The following TYW5 variants were observed in gnomAD, a reference collection of about 807,000 sequenced individuals.
TYW5 encodes the protein tRNA-yW synthesizing protein 5, also known as tRNA wybutosine-synthesizing protein 5.
A neutral mutation model predicts 44.4 loss-of-function variants in TYW5; 36 were observed. The ratio of observed to expected loss-of-function variants is 0.81; its 90% CI spans 0.62 to 1.07. The LOEUF is 1.07. Ranked by LOEUF, TYW5 falls within the 50% of genes least tolerant of loss-of-function variation. The probability of loss-of-function intolerance (pLI) is 0.00; values close to 1 mark genes in which losing one functional copy is unlikely to be tolerated. For missense variants in TYW5, 354 were observed against 365.7 expected (o/e 0.97, Z 0.26); for synonymous variants, 121 against 128.1 (o/e 0.94, Z 0.37).
chr2:199,933,813 G>A (rs1160433935), intron 7 of TYW5, among the ~76,000 whole-genome samples: 1 of 151,952 alleles, frequency 6.6e-6, no homozygotes, highest in African/African-American at 2.4e-5. Flanking sequence ...GCTTAAATTC[G>A]TATTCATTAT....
intron 6 of TYW5, 36 bp downstream of exon 6, chr2:199,936,369 G>T: frequency 6.5e-7 from 1 of 1,537,860 alleles, no homozygotes; most frequent in South Asian, 1.1e-5. Context: ...TAACTGAATA[G>T]ACTTTTGAAA....
intron 5 of TYW5, among the ~76,000 whole-genome samples, chr2:199,937,712 T>C (rs7573592): frequency 0.52 from 79,012 of 151,860 alleles, 20,834 homozygotes; most frequent in South Asian, 0.61. Flanking sequence ...TCATAGAATA[T>C]AGTTAAAATG....
intron 7 of TYW5, among the ~76,000 whole-genome samples, chr2:199,934,942 T>A (rs985450399): frequency 7.9e-5 from 12 of 151,976 alleles, no homozygotes; most frequent in Non-Finnish European, 1.6e-4. Context: ...ATACTACAGG[T>A]GTTGAGATTA....
chr2:199,945,448 C>A (rs1159323873), intron 2 of TYW5: 3 of 152,202 alleles, frequency 2.0e-5, no homozygotes, highest in Admixed American at 6.5e-5. Flanking sequence ...AAAGAGGGGT[C>A]TGCCATCTAC....
At chr2:199,936,514 T>C (rs750232973) in intron 5 of TYW5, 22 bp from the exon 6 acceptor site, 2 of 1,580,936 alleles carry the variant, frequency 1.3e-6, no homozygotes, top group Non-Finnish European at 1.7e-6. Flanking sequence ...TAAAAGCTTA[T>C]GGGTAATCAT....
chr2:199,955,119 TAA>T (rs2077585193), intron 1 of TYW5, among the ~76,000 whole-genome samples: 3 of 152,180 alleles, frequency 2.0e-5, no homozygotes, highest in South Asian at 4.1e-4. Flanking sequence ...AGATGCGGAG[TAA>T]AGAGTTTAGG....
intron 2 of TYW5, chr2:199,946,351 AT>A (rs2077503759): frequency 6.6e-6 from 1 of 152,186 alleles, no homozygotes; most frequent in African/African-American, 2.4e-5. Context: ...CTTGTTCCCC[AT>A]TTGGAAAAGG....
intron 2 of TYW5, chr2:199,944,045 G>C: frequency 2.4e-6 from 1 of 420,256 alleles, no homozygotes; most frequent in Non-Finnish European, 4.2e-6. Flanking sequence ...TGAAATTTTG[G>C]AATTAAATAT....
rs547380691 is a variant in TYW5 at position 199,933,843 on chromosome 2, T to A, written c.692-520A>T. Among the ~76,000 whole-genome samples the A allele has an allele frequency of 3.0e-3, 457 of 152,318 alleles. 1 individual carries two copies. The highest frequency in any genetic ancestry group is 0.011 in the African/African-American group (440 of 41,586). On this transcript the variant is annotated intron_variant, in intron 7 of 7. Transcript: ENST00000354611. ...CATTATAGCCTCCTCGTTTTATATTTTGAATGCAATTATAATCATCTTATA... is the reference window on the plus strand; with the variant it reads ...CATTATAGCCTCCTCGTTTTATATTATGAATGCAATTATAATCATCTTATA...
At chr2:199,955,266 G>T in intron 1 of TYW5, 127 bp downstream of exon 1, 1 of 1,071,578 alleles carries the variant, frequency 9.3e-7, no homozygotes, top group Non-Finnish European at 1.3e-6. Context: ...GCCAACCAGT[G>T]ATCTGCTGCC....
chr2:199,946,800 T>A (rs751889470), intron 2 of TYW5: 2 of 152,132 alleles, frequency 1.3e-5, no homozygotes, highest in Non-Finnish European at 2.9e-5. Context: ...CTAAAAAAAA[T>A]AATCTTGCAA....
At chr2:199,936,565 C>T in intron 5 of TYW5, 73 bp from the exon 6 acceptor site, 1 of 1,253,954 alleles carries the variant, frequency 8.0e-7, no homozygotes, top group Non-Finnish European at 1.1e-6. Context: ...GCATGCTAAA[C>T]TTTAACTGCA....
In TYW5 at chr2:199,943,834, T is replaced by C. The variant is rs774967408; in HGVS notation, c.234A>G (p.Arg78=). 9 of 1,605,888 alleles carry C rather than the reference T, an allele frequency of 5.6e-6. No homozygotes were observed. Among genetic ancestry groups the C allele is most frequent in the Non-Finnish European group, 7.6e-6 (9 of 1,177,836 alleles). The change falls in exon 3 of 8, where the codon AGA becomes AGG. Residue 78 remains arginine, a splice_region_variant and synonymous_variant. Transcript: ENST00000354611. ...GGACCAACTGGTCAAAAGGTAAAGTTCTGAAATAAACACAAAGGAATCCTT... is the reference window on the plus strand; with the variant it reads ...GGACCAACTGGTCAAAAGGTAAAGTCCTGAAATAAACACAAAGGAATCCTT... ...MDFISKNFVY[R]TLPFDQLVQR... is the part of the protein sequence containing the mutation.
rs2077383507 is a variant in TYW5, at chr2:199,932,171, CTCTGA to C, written c.*891_*895del. 6.6e-6 allele frequency: 1 copy of C among 152,172 alleles called. No homozygotes were observed. The highest frequency in any genetic ancestry group is 1.5e-5 in the Non-Finnish European group (1 of 68,034). The allele number at this position is 152,172 out of a possible 1,614,324, so 9.4% of individuals were successfully genotyped here. Reference sequence around the variant, plus strand: ...TATCATCAACTCCAGTTGATCTCAGCTCTGATTATGCATCAGAACACCCTGTGAGG... The same window carrying C: ...TATCATCAACTCCAGTTGATCTCAGCTTATGCATCAGAACACCCTGTGAGG... On this transcript the variant is annotated 3_prime_UTR_variant, in exon 8 of 8. Transcript: ENST00000354611.
At chr2:199,941,918 T>A (rs2077467730) in intron 3 of TYW5, 1 of 152,222 alleles carries the variant, frequency 6.6e-6, no homozygotes, top group African/African-American at 2.4e-5. Context: ...ACTTTTCTCA[T>A]AGGCAGTCTG....
rs1208672387 is a variant in TYW5, at chr2:199,955,399, G to A, written c.72C>T (p.Tyr24=). 2.5e-6 allele frequency: 4 copies of A among 1,613,672 alleles called. 1 individual carries two copies. In the South Asian group the frequency reaches 4.4e-5, roughly 18 times the overall value. ...CCCCGCGCGAGGGCCTCACCTGTGGGTAGAGGTGCTGCATGAACTGCTCCC... is the reference window on the plus strand; with the variant it reads ...CCCCGCGCGAGGGCCTCACCTGTGGATAGAGGTGCTGCATGAACTGCTCCC... The part of the protein sequence containing the change: ...VSREQFMQHL[Y]PQRKPLVLEG... The change falls in exon 1 of 8, where the codon TAC becomes TAT. Residue 24 remains tyrosine, a synonymous_variant. Coordinates refer to ENST00000354611, the MANE Select transcript of TYW5 (RefSeq NM_001039693.3).
At chr2:199,942,473 T>A (rs1370784125) in intron 3 of TYW5, 1 of 152,236 alleles carries the variant, frequency 6.6e-6, no homozygotes, top group African/African-American at 2.4e-5. Context: ...TAGACTTTAA[T>A]CTTTTACCAC....
chr2:199,955,269 C>G (rs536198840), intron 1 of TYW5, 124 bp downstream of exon 1: 1 of 1,106,790 alleles, frequency 9.0e-7, no homozygotes, highest in Admixed American at 2.4e-5. Context: ...AACCAGTGAT[C>G]TGCTGCCGTC....
intron 2 of TYW5, chr2:199,945,441 G>C (rs1368614291): frequency 1.3e-5 from 2 of 152,184 alleles, no homozygotes; most frequent in Non-Finnish European, 2.9e-5. Flanking sequence ...GGAGAGAAAA[G>C]AGGGGTCTGC....
Sources: gnomAD v4.1 joint callset for allele counts (sites outside exome capture counted in the v4.1 genomes callset) on GRCh38, gnomAD v4.1.1 for gene constraint, MANE v1.5 for transcripts, NCBI Gene and HGNC (gene_info 2026-07-23, HGNC 2026-07-21) for gene names.